ZNF85: variants seen among roughly 807,000 people sequenced by gnomAD.
ZNF85 encodes the protein zinc finger protein 85 (HPF4, HTF1).
ZNF85 carries 50 observed loss-of-function variants against 53.9 expected under a neutral mutation model. The ratio of observed to expected loss-of-function variants is 0.93; its 90% CI spans 0.74 to 1.17. The LOEUF is 1.17. Among genes scored for constraint, ZNF85 ranks in the 50% most tolerant of loss-of-function variants. The probability of loss-of-function intolerance (pLI) is 0.00; values close to 1 mark genes in which losing one functional copy is unlikely to be tolerated. For missense variants in ZNF85, 747 were observed against 688.5 expected (o/e 1.08, Z -0.95); for synonymous variants, 225 against 226.1 (o/e 1.00, Z 0.04).
chr19:20,929,870 C>G (rs1323326421), intron 1 of ZNF85, among the ~76,000 whole-genome samples: 1 of 152,166 alleles, frequency 6.6e-6, no homozygotes, highest in Non-Finnish European at 1.5e-5. Context: ...CCTATAATCC[C>G]AGCACTTTGG....
rs1010772888 is a variant in ZNF85 at position 20,934,790 on chromosome 19, A to G, written c.131-159A>G. Among the ~76,000 whole-genome samples, 95 of 151,872 alleles carry G rather than the reference A, an allele frequency of 6.3e-4. 1 individual carries two copies. Among genetic ancestry groups the G allele is most frequent in the Non-Finnish European group, 1.3e-3 (86 of 67,920 alleles). On this transcript the variant is annotated intron_variant, in intron 2 of 3. Coordinates refer to ENST00000328178, the MANE Select transcript of ZNF85 (RefSeq NM_003429.5). ...AGAGTGAGACTCCATCTCAAAAAAA[A>G]AAAAAAAAAGAACCTACAAATCAAA...
chr19:20,923,505 A>C, intron 1 of ZNF85, 102 bp downstream of exon 1: 1 of 1,582,810 alleles, frequency 6.3e-7, no homozygotes, highest in Non-Finnish European at 8.6e-7. Flanking sequence ...TCAGCTCCAC[A>C]ATCTGCGCTC....
At chr19:20,934,831 T>A in intron 2 of ZNF85, 118 bp from the exon 3 acceptor site, 1 of 562,580 alleles carries the variant, frequency 1.8e-6, no homozygotes, top group Non-Finnish European at 2.9e-6. Context: ...TTTTTAAATA[T>A]TTGAAAATGT....
chr19:20,935,509 A>C (rs545111752), intron 3 of ZNF85, among the ~76,000 whole-genome samples: 1 of 152,282 alleles, frequency 6.6e-6, no homozygotes, highest in South Asian at 2.1e-4. Context: ...GTATTACTAC[A>C]TTCTTGAAAT....
At chr19:20,940,704 G>A (rs1360928864) in intron 3 of ZNF85, among the ~76,000 whole-genome samples, 3 of 152,048 alleles carry the variant, frequency 2.0e-5, no homozygotes, top group Admixed American at 1.3e-4. Context: ...TCCACTTTCT[G>A]TTTTTATGAG....
At chr19:20,942,341 A>G (rs1479744930) in intron 3 of ZNF85, among the ~76,000 whole-genome samples, 2 of 151,926 alleles carry the variant, frequency 1.3e-5, no homozygotes, top group Non-Finnish European at 2.9e-5. Flanking sequence ...ACGGGGTTTC[A>G]GTATGTTGGC....
At position 20,949,201 on chromosome 19, in the gene ZNF85, T is replaced by C. The variant is rs879194819; in HGVS notation, c.687T>C (p.Pro229=). 4 of 1,613,064 alleles carry C rather than the reference T, an allele frequency of 2.5e-6. No homozygotes were observed. The highest frequency in any genetic ancestry group is 2.2e-5 in the South Asian group (2 of 90,996). The change falls in exon 4 of 4, where the codon CCT becomes CCC. Residue 229 remains proline (P), a synonymous_variant. Transcript: ENST00000328178. ...AGAGAATTCATACGGGAGAGAAACC[T>C]TACAAATGTGAAGAATGTGGTAAAG... The part of the protein sequence containing the change: ...KHKRIHTGEK[P]YKCEECGKAF...
At chr19:20,936,225 A>G (rs1302251777) in intron 3 of ZNF85, among the ~76,000 whole-genome samples, 2 of 152,008 alleles carry the variant, frequency 1.3e-5, no homozygotes, top group Non-Finnish European at 2.9e-5. Flanking sequence ...TTCTATATAT[A>G]AGATTATATG....
At chr19:20,924,942 T>C (rs1005404823) in intron 1 of ZNF85, among the ~76,000 whole-genome samples, 2 of 152,196 alleles carry the variant, frequency 1.3e-5, no homozygotes, top group African/African-American at 4.8e-5. Context: ...TTTTTCCTGG[T>C]CCTGGGTTTT....
intron 3 of ZNF85, among the ~76,000 whole-genome samples, chr19:20,938,845 G>A (rs1973220595): frequency 8.3e-6 from 1 of 120,956 alleles, no homozygotes; most frequent in African/African-American, 2.9e-5. Flanking sequence ...ACCATATTCT[G>A]CTATATGTGT....
rs1000888553 is a variant in ZNF85, at chr19:20,934,627, G to A, written c.131-322G>A. Among the ~76,000 whole-genome samples the A allele has an allele frequency of 2.1e-4, 32 of 151,674 alleles. 1 individual carries two copies. Among genetic ancestry groups the A allele is most frequent in the Non-Finnish European group, 8.8e-5 (6 of 67,972 alleles). On this transcript the variant is annotated intron_variant, in intron 2 of 3. Coordinates refer to ENST00000328178, the MANE Select transcript of ZNF85 (RefSeq NM_003429.5). ...TACTAAAAATACAAAAAATTAGCTG[G>A]GTGTGGTGGCAGGCACCTGTAGTCC...
At chr19:20,938,912 T>C (rs1292135966) in intron 3 of ZNF85, among the ~76,000 whole-genome samples, 1 of 151,974 alleles carries the variant, frequency 6.6e-6, no homozygotes, top group East Asian at 1.9e-4. Context: ...GTATTTTATT[T>C]AGCAGTTTAA....
chr19:20,932,064 T>TG (rs1388033688), intron 1 of ZNF85, among the ~76,000 whole-genome samples: 1 of 152,176 alleles, frequency 6.6e-6, no homozygotes, highest in African/African-American at 2.4e-5. Context: ...AGTGAGCTTT[T>TG]TCTGCAGGTC....
In ZNF85 at chr19:20,949,524, C is replaced by T. The variant is rs1973516611; in HGVS notation, c.1010C>T (p.Thr337Ile). 1.9e-6 allele frequency: 3 copies of T among 1,613,404 alleles called. No individual in the cohort carries two copies. Among genetic ancestry groups the T allele is most frequent in the Non-Finnish European group, 2.5e-6 (3 of 1,179,692 alleles). The change falls in exon 4 of 4, where the codon ACT (threonine) becomes ATT (isoleucine). Residue 337 changes from threonine to isoleucine, a missense_variant. Physicochemically the swap from Thr to Ile is moderately conservative, Grantham distance 89 (BLOSUM62 -1). Transcript: ENST00000328178. ...SNLTTHKIIH[T>I]GEKPYKCKKC... ...CTTACTACACATAAGATAATTCATA[C>T]TGGAGAGAAACCCTACAAATGTAAA... is the stretch of plus-strand genomic sequence containing the variant.
At chr19:20,947,595 C>T (rs999356364) in intron 3 of ZNF85, among the ~76,000 whole-genome samples, 2 of 133,508 alleles carry the variant, frequency 1.5e-5, no homozygotes, top group Admixed American at 8.7e-5. Flanking sequence ...TACTAGTAAT[C>T]TCATAAGACT....
chr19:20,930,142 A>AAAAAAAAAG (rs1555793059), intron 1 of ZNF85, among the ~76,000 whole-genome samples: 1 of 145,160 alleles, frequency 6.9e-6, no homozygotes. Flanking sequence ...AAAAAAAAAA[A>AAAAAAAAAG]GAAATCAGAG....
At chr19:20,937,281 C>G in intron 3 of ZNF85, 1 of 454,456 alleles carries the variant, frequency 2.2e-6, no homozygotes, top group Non-Finnish European at 4.4e-6. Context: ...CCACCCACCT[C>G]AGCCTCCCAA....
In ZNF85 at chr19:20,950,461, G is replaced by C; in HGVS notation, c.*159G>C. On this transcript the variant is annotated 3_prime_UTR_variant, in exon 4 of 4. Coordinates refer to ENST00000328178, the MANE Select transcript of ZNF85 (RefSeq NM_003429.5). ...TGGTGAGAAATTCTAAAAATGTGAA[G>C]ACTATGGCAAAGTCTTTAAATGGTT... The C allele has an allele frequency of 9.2e-6, 5 of 543,002 alleles. No homozygotes were observed. Among genetic ancestry groups the C allele is most frequent in the Non-Finnish European group, 1.5e-5 (5 of 324,440 alleles). 33.6% of individuals were successfully genotyped at this position (543,002 alleles called of 1,614,324 possible). A position where few individuals can be genotyped will look rare whatever the true frequency, so the allele number is the denominator to read the frequency against.
intron 3 of ZNF85, among the ~76,000 whole-genome samples, chr19:20,935,385 A>G (rs1001545914): frequency 2.0e-5 from 3 of 152,140 alleles, no homozygotes; most frequent in Non-Finnish European, 4.4e-5. Flanking sequence ...GAAAAAGTCT[A>G]TGTTAAGCAA....
Sources: gnomAD v4.1 joint callset for allele counts (sites outside exome capture counted in the v4.1 genomes callset) on GRCh38, gnomAD v4.1.1 for gene constraint, MANE v1.5 for transcripts, NCBI Gene and HGNC (gene_info 2026-07-23, HGNC 2026-07-21) for gene names.